The following ZNF385B variants were observed in gnomAD, a reference collection of about 807,000 sequenced individuals.
ZNF385B encodes the protein zinc finger protein 533.
In ZNF385B, 23 loss-of-function variants were observed where a neutral mutation model predicts 39.2. The ratio of observed to expected loss-of-function variants is 0.59; its 90% confidence interval spans 0.42 to 0.83. The LOEUF is 0.83. Among genes scored for constraint, ZNF385B ranks in the 40% least tolerant of loss-of-function variants. The pLI, the probability that ZNF385B is intolerant of heterozygous loss-of-function variation, is 0.00. For synonymous variants in ZNF385B, 205 were observed against 222.6 expected (o/e 0.92, Z 0.70); for missense variants, 552 against 598.9 (o/e 0.92, Z 0.82).
chr2:179,813,713 A>C (rs1190152652), intron 1 of ZNF385B, among the ~76,000 whole-genome samples: 1 of 152,208 alleles, frequency 6.6e-6, no homozygotes, highest in Non-Finnish European at 1.5e-5. Context: ...GCAACTTTTA[A>C]AATCTCTTTA....
chr2:179,858,085 C>CCACTG (rs1414110646), intron 1 of ZNF385B, among the ~76,000 whole-genome samples: 2 of 151,928 alleles, frequency 1.3e-5, no homozygotes, highest in Non-Finnish European at 2.9e-5. Context: ...AGATGGGAAA[C>CCACTG]GAGTCAGGAA....
intron 3 of ZNF385B, among the ~76,000 whole-genome samples, chr2:179,681,819 G>A (rs1020718778): frequency 2.0e-5 from 3 of 152,180 alleles, no homozygotes; most frequent in East Asian, 1.9e-4. Flanking sequence ...ATGGAAGAAC[G>A]TTTGGCCAGA....
intron 4 of ZNF385B, among the ~76,000 whole-genome samples, chr2:179,539,674 CACA>C (rs1029479697): frequency 6.6e-6 from 1 of 151,930 alleles, no homozygotes; most frequent in African/African-American, 2.4e-5. Context: ...TGGCAGCTCC[CACA>C]ACATTATATA....
chr2:179,513,364 C>T (rs2057830649), intron 5 of ZNF385B, among the ~76,000 whole-genome samples: 1 of 152,182 alleles, frequency 6.6e-6, no homozygotes, highest in Admixed American at 6.5e-5. Context: ...TGCCCAGAGT[C>T]TAAGAATGAC....
chr2:179,537,751 A>AAC (rs199843461), intron 4 of ZNF385B, among the ~76,000 whole-genome samples: 2,721 of 134,230 alleles, frequency 0.02, 71 homozygotes, highest in African/African-American at 0.063. Flanking sequence ...AAAAACAAAC[A>AAC]AACAAACAAA....
chr2:179,592,876 G>A (rs1687687846), intron 3 of ZNF385B, among the ~76,000 whole-genome samples: 1 of 152,050 alleles, frequency 6.6e-6, no homozygotes. Flanking sequence ...ATTCTCAAAA[G>A]TCTCTACGAC....
intron 3 of ZNF385B, among the ~76,000 whole-genome samples, chr2:179,606,543 GT>G (rs1222097548): frequency 6.6e-6 from 1 of 151,908 alleles, no homozygotes; most frequent in Non-Finnish European, 1.5e-5. Flanking sequence ...GAAATTTAGA[GT>G]TTCCTAAACT....
intron 3 of ZNF385B, among the ~76,000 whole-genome samples, chr2:179,699,927 C>T (rs1378202030): frequency 6.6e-6 from 1 of 152,152 alleles, no homozygotes. Context: ...ATCGACACCA[C>T]TCACCTTCAG....
intron 3 of ZNF385B, among the ~76,000 whole-genome samples, chr2:179,622,019 G>A (rs906808636): frequency 6.6e-6 from 1 of 152,092 alleles, no homozygotes; most frequent in Non-Finnish European, 1.5e-5. Context: ...CTCTTCCACT[G>A]TATACTAAGC....
At chr2:179,551,428 A>AT (rs1203564988) in intron 3 of ZNF385B, among the ~76,000 whole-genome samples, 2 of 149,144 alleles carry the variant, frequency 1.3e-5, no homozygotes, top group Non-Finnish European at 3.0e-5. Context: ...ACCCTGAAAA[A>AT]CGAAGGTGTG....
chr2:179,634,803 C>T (rs1231241556), intron 3 of ZNF385B, among the ~76,000 whole-genome samples: 1 of 152,066 alleles, frequency 6.6e-6, no homozygotes, highest in Non-Finnish European at 1.5e-5. Context: ...GGAACCAACC[C>T]AGATGTCCCT....
At chr2:179,502,164 C>T (rs935885601) in intron 5 of ZNF385B, among the ~76,000 whole-genome samples, 1 of 152,128 alleles carries the variant, frequency 6.6e-6, no homozygotes, top group Non-Finnish European at 1.5e-5. Flanking sequence ...TTAAAAATAA[C>T]TAACTTGTTT....
chr2:179,560,729 T>A (rs1254066423), intron 3 of ZNF385B, among the ~76,000 whole-genome samples: 2 of 152,156 alleles, frequency 1.3e-5, no homozygotes, highest in South Asian at 2.1e-4. Flanking sequence ...GCCTCTTTCA[T>A]CTCTTTGTCT....
At chr2:179,500,651 C>T (rs2056669671) in intron 5 of ZNF385B, among the ~76,000 whole-genome samples, 1 of 151,990 alleles carries the variant, frequency 6.6e-6, no homozygotes, top group African/African-American at 2.4e-5. Flanking sequence ...TGCTACAAGA[C>T]TAACAATGGG....
At chr2:179,592,555 G>T (rs2106075924) in intron 3 of ZNF385B, among the ~76,000 whole-genome samples, 1 of 152,294 alleles carries the variant, frequency 6.6e-6, no homozygotes, top group South Asian at 2.1e-4. Flanking sequence ...CCCTAGGAAA[G>T]TGCTAATACT....
chr2:179,472,759 C>T (rs1015545400), intron 6 of ZNF385B, among the ~76,000 whole-genome samples: 2 of 151,732 alleles, frequency 1.3e-5, no homozygotes, highest in African/African-American at 4.9e-5. Flanking sequence ...TTGGATCATA[C>T]CCCCCCTCCC....
intron 3 of ZNF385B, among the ~76,000 whole-genome samples, chr2:179,590,112 T>C (rs531566517): frequency 6.6e-6 from 1 of 152,324 alleles, no homozygotes; most frequent in African/African-American, 2.4e-5. Context: ...CTGCTGCCAT[T>C]CCCTGTAATG....
chr2:179,562,477 T>C, intron 3 of ZNF385B: 1 of 985,388 alleles, frequency 1.0e-6, no homozygotes, highest in Non-Finnish European at 1.2e-6. Flanking sequence ...AAGTAAATAA[T>C]TCCATCATCT....
At chr2:179,508,287 T>TTAA (rs2057402461) in intron 5 of ZNF385B, among the ~76,000 whole-genome samples, 2 of 152,210 alleles carry the variant, frequency 1.3e-5, no homozygotes, top group Admixed American at 1.3e-4. Flanking sequence ...CTACCTGTTG[T>TTAA]TAATTGTATG....
Sources: allele counts gnomAD v4.1 joint callset (sites outside exome capture counted in the v4.1 genomes callset), GRCh38; gene constraint gnomAD v4.1.1; transcripts MANE v1.5; gene names NCBI Gene and HGNC (gene_info 2026-07-23, HGNC 2026-07-21).